The following TNKS variants were observed in gnomAD, a reference collection of about 807,000 sequenced individuals.
TNKS encodes the protein tankyrase.
A neutral mutation model predicts 135.8 loss-of-function variants in TNKS; 72 were observed. The observed-to-expected ratio is 0.53, with a 90% CI of 0.44 to 0.64. The LOEUF (loss-of-function observed/expected upper bound fraction) is 0.64, where lower values mean the gene tolerates loss of function less well. Among genes scored for constraint, TNKS ranks in the 30% least tolerant of loss-of-function variants. The pLI, the probability that TNKS is intolerant of heterozygous loss-of-function variation, is 0.00. For missense variants in TNKS, 1,769 were observed against 1,674.0 expected, an observed-to-expected ratio of 1.06 and a Z score of -0.99; for synonymous variants, 849 against 649.3, an observed-to-expected ratio of 1.31 and a Z score of -4.68.
intron 16 of TNKS, 29 bp downstream of exon 16, chr8:9,735,113 C>G (rs770160707): frequency 1.3e-6 from 2 of 1,596,996 alleles, no homozygotes; most frequent in Non-Finnish European, 8.5e-7. Flanking sequence ...TCCAAGCCTC[C>G]TTTTCCTTTC....
At chr8:9,690,174 C>G (rs1265105063) in intron 5 of TNKS, among the ~76,000 whole-genome samples, 1 of 152,122 alleles carries the variant, frequency 6.6e-6, no homozygotes, top group East Asian at 1.9e-4. Context: ...TCACACAAAT[C>G]TTGTGAGAGC....
At chr8:9,709,892 A>G (rs1179257431) in intron 9 of TNKS, 63 bp from the exon 10 acceptor site, 1 of 1,291,934 alleles carries the variant, frequency 7.7e-7, no homozygotes, top group Non-Finnish European at 1.1e-6. Context: ...ATACTGTTCA[A>G]TTCCAAGAGC....
At position 9,609,216 on chromosome 8, in the gene TNKS, G is replaced by C. The variant is rs137999066; in HGVS notation, c.899-6366G>C. 1.6e-3 allele frequency among the ~76,000 whole-genome samples: 239 copies of C among 152,138 alleles called. 1 individual carries two copies. Among genetic ancestry groups the C allele is most frequent in the African/African-American group, 5.5e-3 (227 of 41,488 alleles). ...GTCTGTTCTTGAGTTGTCTATTTCT[G>C]CTCGTTGCAGGTTTTGCATTTTAGA... is the stretch of plus-strand genomic sequence containing the variant. On this transcript the variant is annotated intron_variant, in intron 2 of 26. Coordinates refer to ENST00000310430, the MANE Select transcript of TNKS (RefSeq NM_003747.3).
At chr8:9,627,115 C>T (rs1042579709) in intron 3 of TNKS, among the ~76,000 whole-genome samples, 5 of 152,250 alleles carry the variant, frequency 3.3e-5, no homozygotes, top group African/African-American at 1.2e-4. Flanking sequence ...ATGAAGCCTC[C>T]ATGAAGACTC....
intron 3 of TNKS, among the ~76,000 whole-genome samples, chr8:9,621,059 C>T (rs982250322): frequency 6.6e-6 from 1 of 152,056 alleles, no homozygotes; most frequent in African/African-American, 2.4e-5. Flanking sequence ...CATTTTATGC[C>T]AATAGTTTTA....
rs1002020286 is a variant in TNKS at position 9,781,228 on chromosome 8, C to G, written c.*4492C>G. On this transcript the variant is annotated 3_prime_UTR_variant, in exon 27 of 27. Transcript: ENST00000310430. ...TACACTTCACGTCTTCGCACCTGCC[C>G]TACCTCCCATCCTTTCAAAGAGGTT... 2.6e-5 allele frequency: 4 copies of G among 152,188 alleles called. No homozygotes were observed. The highest frequency in any genetic ancestry group is 4.4e-5 in the Non-Finnish European group (3 of 68,048). 9.4% of individuals were successfully genotyped at this position (152,188 alleles called of 1,614,324 possible).
At position 9,606,016 on chromosome 8, in the gene TNKS, C is replaced by T. The variant is rs537766624; in HGVS notation, c.899-9566C>T. Among the ~76,000 whole-genome samples, 39 of 151,684 alleles carry T rather than the reference C, an allele frequency of 2.6e-4. No individual in the cohort carries two copies. In the South Asian group the frequency reaches 7.3e-3, roughly 28 times the overall value. On this transcript the variant is annotated intron_variant, in intron 2 of 26. Coordinates refer to ENST00000310430, the MANE Select transcript of TNKS (RefSeq NM_003747.3). ...TTTCTCCTAAGAAATCTTTGCATCC[C>T]GAGGTCATGAAGATTTTTCTTTCAT...
chr8:9,624,679 A>G (rs993812881), intron 3 of TNKS, among the ~76,000 whole-genome samples: 2 of 152,174 alleles, frequency 1.3e-5, no homozygotes, highest in African/African-American at 4.8e-5. Context: ...ACCTGGCCTT[A>G]TAGAATGAGT....
chr8:9,764,866 G>C, intron 23 of TNKS, 76 bp downstream of exon 23: 4 of 1,181,030 alleles, frequency 3.4e-6, no homozygotes, highest in Non-Finnish European at 4.7e-6. Flanking sequence ...AATGAAAAAA[G>C]TTTATTAAGT....
At chr8:9,704,006 T>C (rs1044468708) in intron 5 of TNKS, among the ~76,000 whole-genome samples, 1 of 152,234 alleles carries the variant, frequency 6.6e-6, no homozygotes, top group African/African-American at 2.4e-5. Flanking sequence ...AGAAACTGTA[T>C]TCCTCTCTTG....
At chr8:9,604,311 T>C (rs1457357614) in intron 2 of TNKS, among the ~76,000 whole-genome samples, 2 of 152,148 alleles carry the variant, frequency 1.3e-5, no homozygotes, top group African/African-American at 4.8e-5. Context: ...ACTTTACTCT[T>C]GCCATTTATT....
intron 3 of TNKS, among the ~76,000 whole-genome samples, chr8:9,623,160 G>T (rs549550854): frequency 1.3e-5 from 2 of 152,292 alleles, no homozygotes; most frequent in African/African-American, 4.8e-5. Flanking sequence ...TGCAGATAAT[G>T]GGGAATATCA....
Position 9,580,399 on chromosome 8 carries a change from T to A in TNKS, c.898+16T>A, listed in dbSNP as rs2129053325. On this transcript the variant is annotated intron_variant, in intron 2 of 26. Transcript: ENST00000310430. ...GTGTGCATTGGTAAGTATCATTTGA[T>A]GATATCTAAATTTTAAATAAAGGTT... The A allele has an allele frequency of 6.2e-7, 1 of 1,605,688 alleles. No homozygotes were observed. The highest frequency in any genetic ancestry group is 1.3e-5 in the African/African-American group (1 of 74,822).
At chr8:9,597,149 C>T (rs1220118652) in intron 2 of TNKS, among the ~76,000 whole-genome samples, 1 of 152,220 alleles carries the variant, frequency 6.6e-6, no homozygotes, top group Non-Finnish European at 1.5e-5. Flanking sequence ...CAATGTATCA[C>T]ATACAGACTG....
At position 9,779,514 on chromosome 8, in the gene TNKS, G is replaced by A. The variant is rs900193011; in HGVS notation, c.*2778G>A. 3 of 152,154 alleles carry A rather than the reference G, an allele frequency of 2.0e-5. No homozygotes were observed. Among genetic ancestry groups the A allele is most frequent in the Non-Finnish European group, 4.4e-5 (3 of 68,042 alleles). The allele number at this position is 152,154 out of a possible 1,614,324, so 9.4% of individuals were successfully genotyped here. On this transcript the variant is annotated 3_prime_UTR_variant, in exon 27 of 27. Transcript: ENST00000310430. ...ACCTGATGGTTCCAGTTTACCTGCT[G>A]TTGGCCTGCTGGATACTTGACTCAG... is the stretch of plus-strand genomic sequence containing the variant.
intron 1 of TNKS, among the ~76,000 whole-genome samples, chr8:9,566,797 A>G (rs1367953170): frequency 6.7e-6 from 1 of 149,940 alleles, no homozygotes; most frequent in Non-Finnish European, 1.5e-5. Context: ...TTTAGTAGAG[A>G]CGGGGTTTCA....
chr8:9,768,309 G>A (rs1213901435), intron 25 of TNKS, among the ~76,000 whole-genome samples: 1 of 152,190 alleles, frequency 6.6e-6, no homozygotes, highest in Non-Finnish European at 1.5e-5. Context: ...TCATGAGCTG[G>A]CCACAGTCTC....
At chr8:9,682,791 G>GT (rs1229419240) in intron 5 of TNKS, among the ~76,000 whole-genome samples, 4 of 143,864 alleles carry the variant, frequency 2.8e-5, no homozygotes, top group Admixed American at 7.1e-5. Context: ...GATATTTTAT[G>GT]TTTTTTGTTA....
intron 3 of TNKS, among the ~76,000 whole-genome samples, chr8:9,636,166 A>G (rs1267143826): frequency 2.6e-5 from 4 of 152,216 alleles, no homozygotes; most frequent in Non-Finnish European, 4.4e-5. Context: ...AACATAAGCG[A>G]GAGGATATAA....
Sources: gnomAD v4.1 joint callset for allele counts (sites outside exome capture counted in the v4.1 genomes callset) on GRCh38, gnomAD v4.1.1 for gene constraint, MANE v1.5 for transcripts, NCBI Gene and HGNC (gene_info 2026-07-23, HGNC 2026-07-21) for gene names.